Variants in C8orf76 observed in about 807,000 individuals in gnomAD.
C8orf76 encodes the protein uncharacterized protein C8orf76.
In C8orf76, 46 loss-of-function variants were observed where a neutral mutation model predicts 38.1. That is an observed-to-expected ratio of 1.21 (90% CI 0.95 to 1.54). C8orf76 has a LOEUF of 1.54. C8orf76 is among the 40% of genes most tolerant of loss of function. C8orf76 has a pLI of 0.00. For missense variants in C8orf76, 461 were observed against 441.6 expected (o/e 1.04, Z -0.39); for synonymous variants, 166 against 167.5 (o/e 0.99, Z 0.07).
chr8:123,221,398 C>T (rs572381735), intron 5 of C8orf76, among the ~76,000 whole-genome samples: 4 of 152,178 alleles, frequency 2.6e-5, no homozygotes, highest in South Asian at 2.1e-4. Flanking sequence ...AGTTAGAGAA[C>T]GGCCAGGGCA....
intron 3 of C8orf76, among the ~76,000 whole-genome samples, chr8:123,233,847 C>G (rs989084986): frequency 6.6e-6 from 1 of 151,606 alleles, no homozygotes; most frequent in East Asian, 2.0e-4. Context: ...GCTAACATGG[C>G]GAAACCCCAT....
intron 5 of C8orf76, among the ~76,000 whole-genome samples, chr8:123,224,157 T>C (rs1450063549): frequency 6.6e-6 from 1 of 151,394 alleles, no homozygotes; most frequent in Non-Finnish European, 1.5e-5. Flanking sequence ...GCAGTTGTTA[T>C]AGAATAAAAA....
At chr8:123,235,176 A>G (rs957357734) in intron 3 of C8orf76, among the ~76,000 whole-genome samples, 2 of 152,248 alleles carry the variant, frequency 1.3e-5, no homozygotes, top group African/African-American at 4.8e-5. Context: ...GTTACCACAC[A>G]GGAATACCAA....
At chr8:123,227,916 G>C (rs1364455716) in intron 4 of C8orf76, among the ~76,000 whole-genome samples, 1 of 152,088 alleles carries the variant, frequency 6.6e-6, no homozygotes, top group Non-Finnish European at 1.5e-5. Flanking sequence ...CCCGGCCTCG[G>C]GAAGCATTCA....
intron 1 of C8orf76, 74 bp downstream of exon 1, chr8:123,241,156 G>A (rs1825671434): frequency 7.0e-7 from 1 of 1,429,362 alleles, no homozygotes; most frequent in South Asian, 1.3e-5. Flanking sequence ...CGGAGGGGCC[G>A]AGGCCGGGGC....
At chr8:123,238,320 C>T (rs1825569376) in intron 2 of C8orf76, among the ~76,000 whole-genome samples, 1 of 152,144 alleles carries the variant, frequency 6.6e-6, no homozygotes, top group African/African-American at 2.4e-5. Flanking sequence ...CCATGTAAGA[C>T]GTGACTTTGC....
intron 5 of C8orf76, among the ~76,000 whole-genome samples, chr8:123,220,750 G>A (rs890866738): frequency 3.9e-5 from 6 of 152,172 alleles, no homozygotes; most frequent in African/African-American, 1.4e-4. Flanking sequence ...CAATCTTGGG[G>A]ATTTAAGGAG....
rs1457128084 is a variant in C8orf76 at position 123,241,311 on chromosome 8, GA to G, written c.35del (p.Phe12SerfsTer43). On this transcript the variant is annotated frameshift_variant, in exon 1 of 6. Transcript: ENST00000276704. LOFTEE classifies it high-confidence loss of function. ...GCCTCTCCTCGAACACCGAGTCCTC[GA>G]ACTCGCCGCCGAACAACCAGCACCC... ...DSGCWLFGGE[F>X]EDSVFEERPE... 2.5e-6 allele frequency: 4 copies of G among 1,573,132 alleles called. No homozygotes were observed. Among genetic ancestry groups the G allele is most frequent in the Admixed American group, 3.8e-5 (2 of 52,452 alleles).
intron 5 of C8orf76, chr8:123,226,259 A>G: frequency 1.5e-6 from 2 of 1,355,318 alleles, no homozygotes; most frequent in Non-Finnish European, 1.9e-6. Context: ...ATGTTCAGGC[A>G]GGCAGGTGCT....
chr8:123,237,438 CT>C (rs1244966470), intron 3 of C8orf76, among the ~76,000 whole-genome samples: 3 of 152,086 alleles, frequency 2.0e-5, no homozygotes, highest in Admixed American at 6.5e-5. Context: ...TAGAAAAATA[CT>C]GTTCATTGTA....
rs939211239 is a variant in C8orf76 at position 123,231,557 on chromosome 8, C to T, written c.558G>A (p.Ala186=). ...TGAAACTGTGCTGTTTCTGAGATGA[C>T]GCAAGTGCTGCTGAAAGAGCTGGCC... The part of the protein sequence containing the change: ...NLGPALSAAL[A]SSQKQHSFTS... Residue 186 remains alanine, a synonymous_variant, in exon 4 of 6, where the codon GCG becomes GCA. Coordinates refer to ENST00000276704, the MANE Select transcript of C8orf76 (RefSeq NM_032847.3). 4.3e-6 allele frequency: 7 copies of T among 1,614,070 alleles called. No homozygotes were observed. The highest frequency in any genetic ancestry group is 2.2e-5 in the South Asian group (2 of 91,090).
At chr8:123,221,977 A>G (rs934514469) in intron 5 of C8orf76, among the ~76,000 whole-genome samples, 2 of 151,972 alleles carry the variant, frequency 1.3e-5, no homozygotes, top group African/African-American at 2.4e-5. Context: ...TGTAAATGGC[A>G]TCTTATTTTT....
At chr8:123,235,129 G>A (rs535067838) in intron 3 of C8orf76, among the ~76,000 whole-genome samples, 99 of 152,248 alleles carry the variant, frequency 6.5e-4, no homozygotes, top group Non-Finnish European at 1.2e-3. Context: ...AAATGAAAAG[G>A]AGTCACTTAC....
rs1563800062 is a variant in C8orf76, at chr8:123,231,755, T to C, written c.360A>G (p.Glu120=). The part of the protein sequence containing the change: ...MEALEIAANL[E]NKATNTDHLT... ...AATGGTCTGTGTTGGTTGCTTTATT[T>C]TCCTAAGGAGAAAAAAAAAAGGTTA... Residue 120 remains glutamate, a splice_region_variant and synonymous_variant, in exon 4 of 6, where the codon GAA becomes GAG. Coordinates refer to ENST00000276704, the MANE Select transcript of C8orf76 (RefSeq NM_032847.3). The C allele has an allele frequency of 6.4e-7, 1 of 1,561,044 alleles. No homozygotes were observed. The highest frequency in any genetic ancestry group is 8.6e-7 in the Non-Finnish European group (1 of 1,163,470).
In C8orf76 at chr8:123,231,700, T is replaced by G. The variant is rs777308267; in HGVS notation, c.415A>C (p.Ile139Leu). The G allele has an allele frequency of 6.2e-7, 1 of 1,613,276 alleles. No homozygotes were observed. Among genetic ancestry groups the G allele is most frequent in the Admixed American group, 1.7e-5 (1 of 59,992 alleles). The change falls in exon 4 of 6, where the codon ATT (isoleucine) becomes CTT (leucine). Residue 139 changes from isoleucine (I) to leucine (L), a missense_variant. By Grantham distance (5) the Ile-to-Leu change is conservative. Coordinates refer to ENST00000276704, the MANE Select transcript of C8orf76 (RefSeq NM_032847.3). ...LTTVLYLQLAICSSLQNLEKT... is the reference protein window; with the variant it reads ...LTTVLYLQLALCSSLQNLEKT... Reference sequence around the variant, plus strand: ...TCCAAGTTCTGCAAACTTGAACAAATAGCAAGCTGGAGGTAGAGTACCGTG... The same window carrying G: ...TCCAAGTTCTGCAAACTTGAACAAAGAGCAAGCTGGAGGTAGAGTACCGTG...
chr8:123,235,892 G>C (rs2131158311), intron 3 of C8orf76, among the ~76,000 whole-genome samples: 1 of 152,296 alleles, frequency 6.6e-6, no homozygotes, highest in Admixed American at 6.5e-5. Flanking sequence ...AGTAGTAAAG[G>C]CTACAGAAAG....
Position 123,231,779 on chromosome 8 carries a change from TAAG to T in C8orf76, c.358-25_358-23del, listed in dbSNP as rs752027404. On this transcript the variant is annotated intron_variant, in intron 3 of 5. Coordinates refer to ENST00000276704, the MANE Select transcript of C8orf76 (RefSeq NM_032847.3). ...TTTCCTAAGGAGAAAAAAAAAAGGT[TAAG>T]AAGTTTAAACTTCAAAGCATTTTCC... 8.5e-6 allele frequency: 13 copies of T among 1,535,532 alleles called. No homozygotes were observed. The East Asian group carries it at 2.7e-4, about 32-fold the overall frequency.
At chr8:123,220,588 C>T (rs560859454) in intron 5 of C8orf76, among the ~76,000 whole-genome samples, 3 of 152,210 alleles carry the variant, frequency 2.0e-5, no homozygotes, top group African/African-American at 7.2e-5. Context: ...TTTGGTGCTG[C>T]TGCAGCAGCA....
chr8:123,231,264 G>T, intron 4 of C8orf76, 36 bp downstream of exon 4: 1 of 1,568,654 alleles, frequency 6.4e-7, no homozygotes. Flanking sequence ...ACTCTGAGCT[G>T]ATTACCAAGC....
Sources: allele counts gnomAD v4.1 joint callset (sites outside exome capture counted in the v4.1 genomes callset), GRCh38; gene constraint gnomAD v4.1.1; transcripts MANE v1.5; gene names NCBI Gene and HGNC (gene_info 2026-07-23, HGNC 2026-07-21).